MGAT5B: variants seen among roughly 807,000 people sequenced by gnomAD.
The protein encoded by MGAT5B is alpha-1,6-mannosylglycoprotein 6-beta-N-acetylglucosaminyltransferase B.
Under a neutral mutation model 95.1 loss-of-function variants are expected in MGAT5B, and 54 were observed. That is an observed-to-expected ratio of 0.57 (90% CI 0.46 to 0.71). The LOEUF is 0.71. Among genes scored for constraint, MGAT5B ranks in the 30% least tolerant of loss-of-function variants. The pLI is 0.00. For synonymous variants in MGAT5B, 464 were observed against 451.0 expected, an observed-to-expected ratio of 1.03 and a Z score of -0.36; for missense variants, 935 against 1,088.6, an observed-to-expected ratio of 0.86 and a Z score of 1.99.
intron 3 of MGAT5B, among the ~76,000 whole-genome samples, chr17:76,888,969 G>A (rs930748268): frequency 3.3e-5 from 5 of 152,206 alleles, no homozygotes; most frequent in Non-Finnish European, 7.4e-5. Flanking sequence ...ACAGTGCCCG[G>A]AGGCTGGCTG....
intron 10 of MGAT5B, 77 bp from the exon 11 acceptor site, chr17:76,932,568 G>A (rs1051261578): frequency 1.9e-6 from 3 of 1,589,180 alleles, no homozygotes; most frequent in Non-Finnish European, 2.6e-6. Context: ...GACCTCTTGG[G>A]CGGGGCAGTC....
intron 2 of MGAT5B, among the ~76,000 whole-genome samples, chr17:76,877,994 AC>A (rs1967255738): frequency 6.6e-6 from 1 of 152,146 alleles, no homozygotes; most frequent in South Asian, 2.1e-4. Context: ...TATGGAGGGA[AC>A]GTGTGCCTGT....
chr17:76,873,920 C>T (rs978335383), intron 2 of MGAT5B, among the ~76,000 whole-genome samples: 4 of 152,286 alleles, frequency 2.6e-5, no homozygotes, highest in South Asian at 2.1e-4. Context: ...TCTGGCTCCC[C>T]TGTTCTGAGT....
chr17:76,923,572 G>C (rs1969191882), intron 8 of MGAT5B, among the ~76,000 whole-genome samples: 1 of 151,976 alleles, frequency 6.6e-6, no homozygotes, highest in Non-Finnish European at 1.5e-5. Context: ...TCTCTGCTTG[G>C]GCATCCCCCC....
At chr17:76,934,782 A>C (rs1242533066) in intron 12 of MGAT5B, among the ~76,000 whole-genome samples, 2 of 152,114 alleles carry the variant, frequency 1.3e-5, no homozygotes, top group African/African-American at 2.4e-5. Flanking sequence ...CCTCAAAGAA[A>C]CTGCTTCCAA....
Position 76,882,263 on chromosome 17 carries a change from C to G in MGAT5B, c.294C>G (p.His98Gln). 1 of 1,613,208 alleles carries G rather than the reference C, an allele frequency of 6.2e-7. No homozygotes were observed. Residue 98 changes from histidine (H) to glutamine (Q), a missense_variant, in exon 3 of 18, where the codon CAC becomes CAG. By Grantham distance (24) the His-to-Gln change is conservative. Around this residue, in one of 4 missense-constraint regions of MGAT5B, gnomAD observed 243 missense variants for 228.2 expected, o/e 1.06. Coordinates refer to ENST00000569840, the MANE Select transcript of MGAT5B (RefSeq NM_001199172.2). Reference protein sequence around the residue: ...LARLENSSELHRAGGDLHFPA... With the variant: ...LARLENSSELQRAGGDLHFPA... ...GGCTGGAGAACAGCAGTGAGCTGCA[C>G]CGGGCCGGCGGCGACCTGCACTTTC... is the stretch of plus-strand genomic sequence containing the variant.
intron 8 of MGAT5B, among the ~76,000 whole-genome samples, chr17:76,909,111 C>CTA (rs1394103044): frequency 2.0e-5 from 3 of 151,866 alleles, no homozygotes; most frequent in Non-Finnish European, 2.9e-5. Context: ...CCAGCCTCTG[C>CTA]TATATATATA....
At chr17:76,934,748 G>A (rs1428143921) in intron 12 of MGAT5B, among the ~76,000 whole-genome samples, 2 of 152,190 alleles carry the variant, frequency 1.3e-5, no homozygotes, top group African/African-American at 4.8e-5. Flanking sequence ...GTGATAGCCC[G>A]AGGCAATCCT....
Position 76,872,865 on chromosome 17 carries a change from G to C in MGAT5B, c.83G>C (p.Gly28Ala). The change falls in exon 2 of 18, where the codon GGC becomes GCC. Residue 28 changes from glycine to alanine, a missense_variant. Physicochemically the swap from Gly to Ala is moderately conservative, Grantham distance 60 (BLOSUM62 0). Around this residue, in one of 4 missense-constraint regions of MGAT5B, gnomAD observed 243 missense variants for 228.2 expected, o/e 1.06. Coordinates refer to ENST00000569840, the MANE Select transcript of MGAT5B (RefSeq NM_001199172.2). ...CCTCTCCGCAGGCTTTTTGTCCTGGGCATCGGCTTCTTCACTCTCTGCTTC... is the reference window on the plus strand; with the variant it reads ...CCTCTCCGCAGGCTTTTTGTCCTGGCCATCGGCTTCTTCACTCTCTGCTTC... Reference protein sequence around the residue: ...TLRPFRLFVLGIGFFTLCFLM... With the variant: ...TLRPFRLFVLAIGFFTLCFLM... 3 of 1,614,210 alleles carry C rather than the reference G, an allele frequency of 1.9e-6. No homozygotes were observed. In the South Asian group the frequency reaches 3.3e-5, roughly 18 times the overall value.
chr17:76,917,694 G>C lies in MGAT5B; in HGVS notation c.1026-7272G>C, dbSNP rs1443606110. On this transcript the variant is annotated intron_variant, in intron 8 of 17. Coordinates refer to ENST00000569840, the MANE Select transcript of MGAT5B (RefSeq NM_001199172.2). The surrounding 1 kb of genome is among the most constrained non-coding windows in gnomAD (Gnocchi z 6.1). ...GATTGACAGCGGAGTCTTACCCCAA[G>C]GTCCCTGCACAGGTTGGTTCTCAGC... Among the ~76,000 whole-genome samples, 3 of 152,046 alleles carry C rather than the reference G, an allele frequency of 2.0e-5. No homozygotes were observed. The highest frequency in any genetic ancestry group is 7.2e-5 in the African/African-American group (3 of 41,384).
chr17:76,905,776 G>T lies in MGAT5B; in HGVS notation c.856-242G>T, dbSNP rs573325607. On this transcript the variant is annotated intron_variant, in intron 7 of 17. Transcript: ENST00000569840. The surrounding 1 kb of genome is among the most constrained non-coding windows in gnomAD (Gnocchi z 4.2). Reference sequence around the variant, plus strand: ...CATTTCATGAAATTATCTCTTGTCTGTGTTCACTGTTGTCTACCTCTTCCA... The same window carrying T: ...CATTTCATGAAATTATCTCTTGTCTTTGTTCACTGTTGTCTACCTCTTCCA... Among the ~76,000 whole-genome samples, 434 of 150,434 alleles carry T rather than the reference G, an allele frequency of 2.9e-3. 1 individual carries two copies. The highest frequency in any genetic ancestry group is 0.01 in the African/African-American group (413 of 40,880).
At chr17:76,945,735 C>A (rs1177758808) in intron 15 of MGAT5B, among the ~76,000 whole-genome samples, 1 of 152,164 alleles carries the variant, frequency 6.6e-6, no homozygotes, top group Non-Finnish European at 1.5e-5. Flanking sequence ...ATGTCTTGGG[C>A]AGGATACAGG....
chr17:76,933,916 A>C (rs4789376), intron 12 of MGAT5B, among the ~76,000 whole-genome samples: 97,519 of 151,912 alleles, frequency 0.64, 31,462 homozygotes, highest in East Asian at 0.66. Context: ...TACAGGTATT[A>C]GAGTCATTAT....
rs1329066988 is a variant in MGAT5B, at chr17:76,915,901, G to A, written c.1026-9065G>A. Among the ~76,000 whole-genome samples the A allele has an allele frequency of 6.6e-6, 1 of 152,254 alleles. No individual in the cohort carries two copies. Among genetic ancestry groups the A allele is most frequent in the African/African-American group, 2.4e-5 (1 of 41,470 alleles). On this transcript the variant is annotated intron_variant, in intron 8 of 17. Transcript: ENST00000569840. The surrounding 1 kb of genome is among the most constrained non-coding windows in gnomAD (Gnocchi z 8.7). ...TCCCAGCGGAGAGGCCTGGCAGCCA[G>A]ACACCTGACCCAAGTTGGCTGGCGG...
intron 3 of MGAT5B, among the ~76,000 whole-genome samples, chr17:76,883,918 T>C (rs924518637): frequency 1.3e-5 from 2 of 152,190 alleles, no homozygotes; most frequent in Admixed American, 6.5e-5. Context: ...AGTGCGCCCA[T>C]GTGGACTGGT....
chr17:76,913,772 A>G (rs769166714), intron 8 of MGAT5B: 5 of 476,488 alleles, frequency 1.0e-5, no homozygotes, highest in East Asian at 1.2e-4. Flanking sequence ...CACATTGCTC[A>G]TTGAAAAGCC....
At chr17:76,877,688 C>G (rs1274818604) in intron 2 of MGAT5B, among the ~76,000 whole-genome samples, 1 of 152,192 alleles carries the variant, frequency 6.6e-6, no homozygotes, top group Non-Finnish European at 1.5e-5. Flanking sequence ...TGAGCGAGTA[C>G]AGAGAGATAA....
At chr17:76,943,381 G>A (rs145053982) in intron 15 of MGAT5B, among the ~76,000 whole-genome samples, 5 of 151,776 alleles carry the variant, frequency 3.3e-5, no homozygotes, top group South Asian at 2.1e-4. Context: ...CCACCCCTCC[G>A]CATAACAGCT....
At chr17:76,927,917 C>T (rs573994746) in intron 10 of MGAT5B, among the ~76,000 whole-genome samples, 21 of 152,376 alleles carry the variant, frequency 1.4e-4, no homozygotes, top group Non-Finnish European at 2.5e-4. Flanking sequence ...AGAGTCCTGA[C>T]GGACTTGCTT....
Sources: gnomAD v4.1 joint callset for allele counts (sites outside exome capture counted in the v4.1 genomes callset) on GRCh38, gnomAD v4.1.1 for gene constraint, gnomAD v4.1.1 regional missense constraint, Gnocchi (gnomAD v3.1) non-coding constraint, MANE v1.5 for transcripts, NCBI Gene and HGNC (gene_info 2026-07-23, HGNC 2026-07-21) for gene names.